Variants in PPFIBP1 observed in about 807,000 individuals in gnomAD.
PPFIBP1 encodes liprin-beta-1.
A neutral mutation model predicts 137.8 loss-of-function variants in PPFIBP1; 112 were observed. The ratio of observed to expected loss-of-function variants is 0.81; its 90% CI spans 0.70 to 0.95. The LOEUF is 0.95. Ranked by LOEUF, PPFIBP1 falls within the 40% of genes least tolerant of loss-of-function variation. PPFIBP1 has a pLI of 0.00. For synonymous variants in PPFIBP1, 378 were observed against 417.3 expected (o/e 0.91, Z 1.15); for missense variants, 1,083 against 1,196.6 (o/e 0.91, Z 1.40).
chr12:27,533,333 C>A (rs994601383), intron 1 of PPFIBP1, among the ~76,000 whole-genome samples: 1 of 152,104 alleles, frequency 6.6e-6, no homozygotes, highest in African/African-American at 2.4e-5. Context: ...TAATAGGTAA[C>A]ACTTACCTGG....
At chr12:27,536,253 T>C (rs1337137154) in intron 1 of PPFIBP1, among the ~76,000 whole-genome samples, 1 of 152,180 alleles carries the variant, frequency 6.6e-6, no homozygotes, top group African/African-American at 2.4e-5. Flanking sequence ...AGGCCAGGAA[T>C]GGTGGCTGTA....
chr12:27,584,510 G>T (rs188821736), intron 2 of PPFIBP1: 1 of 152,330 alleles, frequency 6.6e-6, no homozygotes, highest in Admixed American at 6.5e-5. Flanking sequence ...TAATGTGGGG[G>T]TTGCAAGCAA....
intron 1 of PPFIBP1, among the ~76,000 whole-genome samples, chr12:27,537,132 T>C (rs1945111812): frequency 6.6e-6 from 1 of 151,948 alleles, no homozygotes; most frequent in African/African-American, 2.4e-5. Context: ...TAGTCCCTTC[T>C]CTCTCTCTTT....
In PPFIBP1 at chr12:27,692,973, G is replaced by A. The variant is rs1335839652; in HGVS notation, c.*91G>A. ...CAGTATATACAACAGGCAGCGGATT[G>A]TCTATTGTTTGTTGTTCCAACTTCT... On this transcript the variant is annotated 3_prime_UTR_variant, in exon 30 of 30. Transcript: ENST00000228425. 14 of 1,523,940 alleles carry A rather than the reference G, an allele frequency of 9.2e-6. No individual in the cohort carries two copies. The highest frequency in any genetic ancestry group is 3.5e-4 in the Middle Eastern group (2 of 5,770). The allele number at this position is 1,523,940 out of a possible 1,614,324, so 94.4% of individuals were successfully genotyped here.
At chr12:27,646,408 C>CTTTTTT in intron 5 of PPFIBP1, 1 of 350,140 alleles carries the variant, frequency 2.9e-6, no homozygotes, top group Non-Finnish European at 5.4e-6. Context: ...CTGATCTGTT[C>CTTTTTT]TTTTTTTTTT....
intron 4 of PPFIBP1, 184 bp downstream of exon 4, chr12:27,635,299 G>A: frequency 1.6e-6 from 1 of 629,982 alleles, no homozygotes; most frequent in Non-Finnish European, 2.7e-6. Context: ...TGCTATTAGT[G>A]TACATTTTGT....
Position 27,549,510 on chromosome 12 carries a change from T to C in PPFIBP1, c.-124+25145T>C, listed in dbSNP as rs371311382. ...AATTTGTTGGCCAGGAAGTGTGTAC[T>C]ATGCAGAGAGAAATAATTGTTGTTG... On this transcript the variant is annotated intron_variant, in intron 1 of 29. Coordinates refer to ENST00000228425, the MANE Select transcript of PPFIBP1 (RefSeq NM_003622.4). 6 of 150,510 alleles carry C rather than the reference T, an allele frequency of 4.0e-5. No individual in the cohort carries two copies. In the East Asian group the frequency reaches 9.8e-4, roughly 25 times the overall value. The allele number at this position is 150,510 out of a possible 1,614,324, so 9.3% of individuals were successfully genotyped here. A position where few individuals can be genotyped will look rare whatever the true frequency, so the allele number is the denominator to read the frequency against.
intron 6 of PPFIBP1, among the ~76,000 whole-genome samples, chr12:27,648,157 A>C (rs1593119935): frequency 6.6e-6 from 1 of 152,190 alleles, no homozygotes; most frequent in Non-Finnish European, 1.5e-5. Flanking sequence ...ATAGTAAAAA[A>C]TCTAATAATC....
intron 2 of PPFIBP1, among the ~76,000 whole-genome samples, chr12:27,626,405 G>T (rs1269809340): frequency 6.6e-6 from 1 of 152,100 alleles, no homozygotes; most frequent in Non-Finnish European, 1.5e-5. Flanking sequence ...CCTCATCTGG[G>T]CAGGGCTTGT....
chr12:27,607,465 G>A (rs2054633108), intron 2 of PPFIBP1, among the ~76,000 whole-genome samples: 1 of 152,216 alleles, frequency 6.6e-6, no homozygotes, highest in African/African-American at 2.4e-5. Flanking sequence ...TGAAAGAAAT[G>A]CATTTGATCA....
intron 2 of PPFIBP1, chr12:27,599,387 C>G (rs1344750155): frequency 2.4e-5 from 11 of 450,534 alleles, no homozygotes; most frequent in Non-Finnish European, 4.5e-6. Flanking sequence ...GCTTATCAAG[C>G]CTTCAGACTC....
In PPFIBP1 at chr12:27,620,003, G is replaced by A. The variant is rs572506019; in HGVS notation, c.-35-13359G>A. On this transcript the variant is annotated intron_variant, in intron 2 of 29. Coordinates refer to ENST00000228425, the MANE Select transcript of PPFIBP1 (RefSeq NM_003622.4). Reference sequence around the variant, plus strand: ...ATATATACACGCACATATTTACTATGTGTGTATTCACACATACATACATAG... The same window carrying A: ...ATATATACACGCACATATTTACTATATGTGTATTCACACATACATACATAG... 1.5e-3 allele frequency among the ~76,000 whole-genome samples: 228 copies of A among 151,446 alleles called. 2 individuals carry two copies. Among genetic ancestry groups the A allele is most frequent in the South Asian group, 0.011 (52 of 4,696 alleles).
At chr12:27,545,378 A>G (rs984475262) in intron 1 of PPFIBP1, among the ~76,000 whole-genome samples, 1 of 152,160 alleles carries the variant, frequency 6.6e-6, no homozygotes, top group Non-Finnish European at 1.5e-5. Context: ...GAACTTAAGT[A>G]TAATAAGAAA....
chr12:27,580,110 C>T (rs909057030), intron 2 of PPFIBP1, among the ~76,000 whole-genome samples: 1 of 152,118 alleles, frequency 6.6e-6, no homozygotes, highest in Non-Finnish European at 1.5e-5. Flanking sequence ...AGGGAAGACT[C>T]AGCTTGTGAG....
chr12:27,677,310 A>T (rs1207274543), intron 19 of PPFIBP1: 1 of 606,070 alleles, frequency 1.6e-6, no homozygotes, highest in African/African-American at 1.9e-5. Context: ...TACTAGTAAC[A>T]CTCACTGTGT....
At chr12:27,557,361 G>A (rs1191608736) in intron 1 of PPFIBP1, among the ~76,000 whole-genome samples, 7 of 151,288 alleles carry the variant, frequency 4.6e-5, no homozygotes, top group African/African-American at 1.5e-4. Flanking sequence ...TCAGCCTCCC[G>A]AGTAGCTGGG....
At chr12:27,686,604 T>C (rs554232582) in intron 24 of PPFIBP1, among the ~76,000 whole-genome samples, 19 of 152,336 alleles carry the variant, frequency 1.2e-4, no homozygotes, top group African/African-American at 3.8e-4. Flanking sequence ...AGATAAACCA[T>C]AATAATCTAG....
rs2060882137 is a variant in PPFIBP1, at chr12:27,681,682, C to A, written c.2032C>A (p.Gln678Lys). ...CCAAACGCTTTTGCAGGCTTCTCAA[C>A]AAGATCTAGAGAAGGTGACTGCTTC... The part of the protein sequence containing the change: ...SGQTLLQASQ[Q>K]DLEKELGIKH... Residue 678 changes from glutamine to lysine, a missense_variant, in exon 22 of 30, where the codon CAA (glutamine) becomes AAA (lysine). Physicochemically the swap from Gln to Lys is moderately conservative, Grantham distance 53. Coordinates refer to ENST00000228425, the MANE Select transcript of PPFIBP1 (RefSeq NM_003622.4). 1 of 1,614,098 alleles carries A rather than the reference C, an allele frequency of 6.2e-7. No homozygotes were observed. Among genetic ancestry groups the A allele is most frequent in the Non-Finnish European group, 8.5e-7 (1 of 1,179,980 alleles).
intron 1 of PPFIBP1, among the ~76,000 whole-genome samples, chr12:27,540,538 A>C (rs537963047): frequency 9.9e-5 from 15 of 151,480 alleles, no homozygotes; most frequent in Middle Eastern, 3.4e-3. Flanking sequence ...GCCTATTTTC[A>C]ATTTTGACGA....
Sources: allele counts gnomAD v4.1 joint callset (sites outside exome capture counted in the v4.1 genomes callset), GRCh38; gene constraint gnomAD v4.1.1; transcripts MANE v1.5; gene names NCBI Gene and HGNC (gene_info 2026-07-23, HGNC 2026-07-21).